KALRN: variants seen among roughly 807,000 people sequenced by gnomAD.
KALRN encodes kalirin RhoGEF kinase.
Under a neutral mutation model 353.7 loss-of-function variants are expected in KALRN, and 70 were observed. The observed-to-expected ratio is 0.20, with a 90% CI of 0.16 to 0.24. KALRN has a LOEUF of 0.24. Among genes scored for constraint, KALRN ranks in the 10% least tolerant of loss-of-function variants. The pLI is 1.00. For missense variants in KALRN, 2,791 were observed against 3,756.7 expected (o/e 0.74, Z 6.72); for synonymous variants, 1,391 against 1,434.8 (o/e 0.97, Z 0.69).
At chr3:124,542,721 G>A (rs971967508) in intron 33 of KALRN, among the ~76,000 whole-genome samples, 5 of 152,164 alleles carry the variant, frequency 3.3e-5, no homozygotes, top group African/African-American at 1.2e-4. Context: ...TTTATGTGCA[G>A]ATGAGGAACC....
At position 124,231,556 on chromosome 3, in the gene KALRN, C is replaced by G. The variant is rs535704416; in HGVS notation, c.149-3273C>G. On this transcript the variant is annotated intron_variant, in intron 2 of 59. Transcript: ENST00000682506. ...CTCAAAGTGTTTTCCAAGATCAGTT[C>G]CACAGGATGATCCTCTACAAAGAAA... Among the ~76,000 whole-genome samples the G allele has an allele frequency of 2.0e-5, 3 of 152,256 alleles. No individual in the cohort carries two copies. In the East Asian group the frequency reaches 5.8e-4, roughly 29 times the overall value.
At chr3:124,314,200 G>A (rs147652362) in intron 6 of KALRN, among the ~76,000 whole-genome samples, 3,053 of 152,098 alleles carry the variant, frequency 0.02, 50 homozygotes, top group East Asian at 0.055. Flanking sequence ...GTCCTTTATA[G>A]GGACATGGTT....
At chr3:124,446,927 T>C in intron 21 of KALRN, 42 bp downstream of exon 21, 1 of 1,593,902 alleles carries the variant, frequency 6.3e-7, no homozygotes, top group Non-Finnish European at 8.5e-7. Context: ...CACCCAGAAC[T>C]CTCCATTCTG....
intron 2 of KALRN, among the ~76,000 whole-genome samples, chr3:124,228,942 T>A (rs2078868225): frequency 6.6e-6 from 1 of 152,192 alleles, no homozygotes; most frequent in Admixed American, 6.5e-5. Flanking sequence ...TCAAATTGCC[T>A]TCTCCTCTTG....
chr3:124,398,252 A>G (rs2090408993), intron 12 of KALRN, among the ~76,000 whole-genome samples: 1 of 152,200 alleles, frequency 6.6e-6, no homozygotes, highest in African/African-American at 2.4e-5. Context: ...GTGAAGTAAA[A>G]CTAGGAAGAT....
At chr3:124,323,718 C>T (rs191222085) in intron 6 of KALRN, among the ~76,000 whole-genome samples, 1 of 152,232 alleles carries the variant, frequency 6.6e-6, no homozygotes, top group Admixed American at 6.5e-5. Flanking sequence ...TCTATCTGGC[C>T]AGAGTATACA....
intron 34 of KALRN, among the ~76,000 whole-genome samples, chr3:124,573,449 T>A (rs60452261): frequency 0.19 from 28,916 of 150,918 alleles, 3,515 homozygotes; most frequent in East Asian, 0.45. Context: ...GCCTGAATCA[T>A]CCCCAGGATT....
chr3:124,409,442 C>G (rs1348403719), intron 13 of KALRN, among the ~76,000 whole-genome samples: 4 of 152,128 alleles, frequency 2.6e-5, no homozygotes, highest in Non-Finnish European at 5.9e-5. Context: ...GAAAAATATT[C>G]GGGTCTAGGT....
rs140759899 is a variant in KALRN, at chr3:124,219,943, T to G, written c.74-8047T>G. Among the ~76,000 whole-genome samples, 289 of 151,774 alleles carry G rather than the reference T, an allele frequency of 1.9e-3. 1 individual carries two copies. The highest frequency in any genetic ancestry group is 0.014 in the East Asian group (73 of 5,132). On this transcript the variant is annotated intron_variant, in intron 1 of 59. Transcript: ENST00000682506. ...CTTCCTGTCTTGGTGGTAGGTTTTT[T>G]TTTTGTTTTGTTTTGTTTTGAGATG...
In KALRN at chr3:124,325,910, G is replaced by T. The variant is rs2079856704; in HGVS notation, c.1093-70G>T. 5 of 1,326,686 alleles carry T rather than the reference G, an allele frequency of 3.8e-6. No individual in the cohort carries two copies. The South Asian group carries it at 5.6e-5, about 15-fold the overall frequency. 82.2% of individuals were successfully genotyped at this position (1,326,686 alleles called of 1,614,324 possible). A position where few individuals can be genotyped will look rare whatever the true frequency, so the allele number is the denominator to read the frequency against. ...TTGGGCAGCTCCCTTCCCCAAATAT[G>T]TACCCCACGAAAGTGCTCAGTGGAT... On this transcript the variant is annotated intron_variant, in intron 6 of 59. Transcript: ENST00000682506.
chr3:124,326,455 C>CAT (rs2079925472), intron 7 of KALRN, among the ~76,000 whole-genome samples: 1 of 152,072 alleles, frequency 6.6e-6, no homozygotes, highest in African/African-American at 2.4e-5. Context: ...GTTGCATGTG[C>CAT]GTGTGTGCAT....
At chr3:124,318,403 T>C (rs1426338026) in intron 6 of KALRN, among the ~76,000 whole-genome samples, 2 of 152,184 alleles carry the variant, frequency 1.3e-5, no homozygotes, top group Non-Finnish European at 2.9e-5. Context: ...TGTAGTATAG[T>C]TTCAAGCATG....
At chr3:124,685,837 C>T (rs2061531402) in intron 51 of KALRN, among the ~76,000 whole-genome samples, 1 of 152,120 alleles carries the variant, frequency 6.6e-6, no homozygotes, top group Non-Finnish European at 1.5e-5. Context: ...GGGCCTAACC[C>T]GTTTCGTTTA....
chr3:124,566,227 G>A (rs1314928814), intron 34 of KALRN, among the ~76,000 whole-genome samples: 5 of 152,118 alleles, frequency 3.3e-5, no homozygotes, highest in African/African-American at 7.2e-5. Flanking sequence ...TCGGCCAGGC[G>A]CAGTGGCTCA....
intron 14 of KALRN, among the ~76,000 whole-genome samples, chr3:124,416,570 T>C (rs1223289407): frequency 6.6e-6 from 1 of 152,380 alleles, no homozygotes; most frequent in East Asian, 1.9e-4. Flanking sequence ...ATCCAGGGGT[T>C]TTAGGAATGC....
intron 51 of KALRN, among the ~76,000 whole-genome samples, chr3:124,686,802 T>A (rs2061582320): frequency 8.9e-5 from 4 of 44,868 alleles, no homozygotes; most frequent in African/African-American, 2.2e-4. Context: ...GGTGAGATTT[T>A]TTTTTTTTTT....
chr3:124,375,438 T>A (rs1443875408), intron 10 of KALRN, among the ~76,000 whole-genome samples: 2 of 152,176 alleles, frequency 1.3e-5, no homozygotes, highest in Non-Finnish European at 2.9e-5. Context: ...TAGTCCTGGC[T>A]CCCCTAGGCC....
At chr3:124,178,654 T>C (rs753342749) in intron 1 of KALRN, among the ~76,000 whole-genome samples, 2 of 152,156 alleles carry the variant, frequency 1.3e-5, no homozygotes, top group Non-Finnish European at 2.9e-5. Flanking sequence ...AGATTAATAA[T>C]AGTACACCTG....
At chr3:124,065,290 C>T (rs1256902546) in intron 1 of KALRN, among the ~76,000 whole-genome samples, 2 of 152,068 alleles carry the variant, frequency 1.3e-5, no homozygotes, top group East Asian at 1.9e-4. Context: ...AAGATGAGCC[C>T]GGCCCTGTGC....
Sources: gnomAD v4.1 joint callset for allele counts (sites outside exome capture counted in the v4.1 genomes callset) on GRCh38, gnomAD v4.1.1 for gene constraint, MANE v1.5 for transcripts, NCBI Gene and HGNC (gene_info 2026-07-23, HGNC 2026-07-21) for gene names.